TRHDE: variants seen among roughly 807,000 people sequenced by gnomAD.
The protein encoded by TRHDE is thyrotropin releasing hormone degrading enzyme, also known as thyrotropin-releasing hormone-degrading ectoenzyme.
In TRHDE, 72 loss-of-function variants were observed where a neutral mutation model predicts 125.7. That is an observed-to-expected ratio of 0.57 (90% CI 0.47 to 0.70). TRHDE has a LOEUF of 0.70. TRHDE is among the 30% of genes least tolerant of loss of function. TRHDE has a pLI of 0.00. For missense variants in TRHDE, 1,110 were observed against 1,327.1 expected (o/e 0.84, Z 2.54); for synonymous variants, 509 against 509.1 (o/e 1.00, Z 0.00).
intron 5 of TRHDE, among the ~76,000 whole-genome samples, chr12:72,488,189 C>A (rs925593204): frequency 2.0e-5 from 3 of 152,012 alleles, no homozygotes; most frequent in African/African-American, 7.2e-5. Context: ...CTGTAAATGG[C>A]TTAAATTATT....
upstream of TRHDE, chr12:72,272,212 C>T (rs1395942406): frequency 2.4e-6 from 1 of 425,262 alleles, no homozygotes; most frequent in East Asian, 7.1e-5. This position sits in a 1 kb window ranked among gnomAD's most constrained non-coding sequence, Gnocchi z 6.7. Flanking sequence ...TCTACACCCT[C>T]GCTCTTCCCA....
In TRHDE at chr12:72,353,463, C is replaced by G. The variant is rs1870677146; in HGVS notation, c.1189-24532C>G. Among the ~76,000 whole-genome samples the G allele has an allele frequency of 2.0e-5, 3 of 151,502 alleles. No homozygotes were observed. In the South Asian group the frequency reaches 6.3e-4, roughly 32 times the overall value. On this transcript the variant is annotated intron_variant, in intron 2 of 18. Coordinates refer to ENST00000261180, the MANE Select transcript of TRHDE (RefSeq NM_013381.3). ...TAAAAAATATAGTAAAAGATAATGACAGCTAACATTTTCTTGTCACAGATT... is the reference window on the plus strand; with the variant it reads ...TAAAAAATATAGTAAAAGATAATGAGAGCTAACATTTTCTTGTCACAGATT...
intron 3 of TRHDE, among the ~76,000 whole-genome samples, chr12:72,430,176 C>T (rs1308581597): frequency 6.7e-6 from 1 of 149,236 alleles, no homozygotes; most frequent in Non-Finnish European, 1.5e-5. Flanking sequence ...TGTTTTGGTG[C>T]ATGATGTGAA....
rs146993056 is a variant in TRHDE, at chr12:72,404,665, A to C, written c.1315+26544A>C. On this transcript the variant is annotated intron_variant, in intron 3 of 18. Coordinates refer to ENST00000261180, the MANE Select transcript of TRHDE (RefSeq NM_013381.3). Reference sequence around the variant, plus strand: ...ACCATCAGATCTCACGAAACTTACTATCATGACAACAGCACAAGAAAGACC... The same window carrying C: ...ACCATCAGATCTCACGAAACTTACTCTCATGACAACAGCACAAGAAAGACC... Among the ~76,000 whole-genome samples the C allele has an allele frequency of 3.3e-5, 5 of 152,234 alleles. No individual in the cohort carries two copies. The East Asian group carries it at 9.7e-4, about 30-fold the overall frequency.
At chr12:72,204,075 T>C (rs1053784569) in intron 2 of TRHDE, among the ~76,000 whole-genome samples, 4 of 152,202 alleles carry the variant, frequency 2.6e-5, no homozygotes, top group Non-Finnish European at 4.4e-5. Flanking sequence ...GAATGTTAAA[T>C]TACAGCCAGA....
chr12:72,411,720 G>T (rs1443493852), intron 3 of TRHDE, among the ~76,000 whole-genome samples: 2 of 152,094 alleles, frequency 1.3e-5, no homozygotes, highest in Non-Finnish European at 2.9e-5. Context: ...GGGAAGAATT[G>T]ACTTATCAGG....
At chr12:72,573,671 A>G (rs73353832) in intron 10 of TRHDE, among the ~76,000 whole-genome samples, 1,935 of 152,084 alleles carry the variant, frequency 0.013, 39 homozygotes, top group African/African-American at 0.045. Context: ...ACTATAAAAG[A>G]ATATAGTACT....
Position 72,472,746 on chromosome 12 carries a change from C to T in TRHDE, c.1471-321C>T, listed in dbSNP as rs146903498. On this transcript the variant is annotated intron_variant, in intron 4 of 18. Coordinates refer to ENST00000261180, the MANE Select transcript of TRHDE (RefSeq NM_013381.3). ...CAAGAAACAAGCCTTTCCTCTTCTA[C>T]GTAATAGGTCTTCAAATATTTGAAG... Among the ~76,000 whole-genome samples, 223 of 152,286 alleles carry T rather than the reference C, an allele frequency of 1.5e-3. 1 individual carries two copies. Among genetic ancestry groups the T allele is most frequent in the Non-Finnish European group, 1.6e-3 (111 of 68,018 alleles).
chr12:72,200,689 C>A (rs1479842580), intron 2 of TRHDE, among the ~76,000 whole-genome samples: 1 of 152,036 alleles, frequency 6.6e-6, no homozygotes, highest in Non-Finnish European at 1.5e-5. Context: ...CCTAGTAGAA[C>A]AATGAAGAGG....
intron 12 of TRHDE, chr12:72,582,232 A>G: frequency 1.0e-6 from 1 of 981,162 alleles, no homozygotes; most frequent in African/African-American, 1.7e-5. Flanking sequence ...AACAGCTTAT[A>G]CATTTGAGAT....
chr12:72,272,475 A>C lies in TRHDE; in HGVS notation c.-169A>C. 1 of 509,270 alleles carries C rather than the reference A, an allele frequency of 2.0e-6. No individual in the cohort carries two copies. Among genetic ancestry groups the C allele is most frequent in the Non-Finnish European group, 3.5e-6 (1 of 283,028 alleles). The allele number at this position is 509,270 out of a possible 1,614,324, so 31.5% of individuals were successfully genotyped here. ...AGGCGGGGCTGATGGGGGTCGCGGAAGCTGCCGTCGCTTGTGTCCAGAACC... is the reference window on the plus strand; with the variant it reads ...AGGCGGGGCTGATGGGGGTCGCGGACGCTGCCGTCGCTTGTGTCCAGAACC... On this transcript the variant is annotated 5_prime_UTR_variant, in exon 1 of 19. Transcript: ENST00000261180. This position sits in a 1 kb window ranked among gnomAD's most constrained non-coding sequence, Gnocchi z 6.7.
intron 2 of TRHDE, among the ~76,000 whole-genome samples, chr12:72,367,249 G>A (rs1030791853): frequency 1.3e-5 from 2 of 152,058 alleles, no homozygotes; most frequent in Non-Finnish European, 2.9e-5. Flanking sequence ...TGGCCTTCTT[G>A]TCTCAATGCA....
intron 15 of TRHDE, among the ~76,000 whole-genome samples, chr12:72,636,989 G>C (rs1408712473): frequency 6.6e-6 from 1 of 152,152 alleles, no homozygotes; most frequent in African/African-American, 2.4e-5. Flanking sequence ...TCTCTGCCAG[G>C]CTTTGGTATC....
At chr12:72,586,319 C>G (rs987864324) in intron 12 of TRHDE, among the ~76,000 whole-genome samples, 1 of 152,090 alleles carries the variant, frequency 6.6e-6, no homozygotes, top group African/African-American at 2.4e-5. Context: ...GTAACATACA[C>G]TTTGTTTATG....
chr12:72,266,781 G>A (rs1337482307), intron 2 of TRHDE, among the ~76,000 whole-genome samples: 1 of 152,010 alleles, frequency 6.6e-6, no homozygotes, highest in Non-Finnish European at 1.5e-5. Flanking sequence ...AATGACCTGC[G>A]TGGCTTTGAA....
chr12:72,606,492 A>G (rs1281928816), intron 12 of TRHDE, among the ~76,000 whole-genome samples: 1 of 152,056 alleles, frequency 6.6e-6, no homozygotes, highest in East Asian at 1.9e-4. Context: ...ATACTCTTCC[A>G]TTTCTTGTCT....
rs985371171 is a variant in TRHDE, at chr12:72,666,192, G to A, written c.*2997G>A. On this transcript the variant is annotated 3_prime_UTR_variant, in exon 19 of 19. Transcript: ENST00000261180. ...GACTCATCACAAAAACATAATAAATGTTGTGAGCCCTAATATTCTGATGAG... is the reference window on the plus strand; with the variant it reads ...GACTCATCACAAAAACATAATAAATATTGTGAGCCCTAATATTCTGATGAG... 6.6e-6 allele frequency: 1 copy of A among 152,062 alleles called. No homozygotes were observed. The highest frequency in any genetic ancestry group is 2.4e-5 in the African/African-American group (1 of 41,446). 9.4% of individuals were successfully genotyped at this position (152,062 alleles called of 1,614,324 possible). A position where few individuals can be genotyped will look rare whatever the true frequency, so the allele number is the denominator to read the frequency against.
intron 3 of TRHDE, among the ~76,000 whole-genome samples, chr12:72,386,646 T>C (rs1043240139): frequency 4.6e-5 from 7 of 152,158 alleles, no homozygotes; most frequent in Non-Finnish European, 8.8e-5. Flanking sequence ...TTGAAAGGAT[T>C]GTCCATCTGC....
intron 3 of TRHDE, among the ~76,000 whole-genome samples, chr12:72,446,658 A>G (rs918769033): frequency 6.6e-6 from 1 of 152,122 alleles, no homozygotes; most frequent in African/African-American, 2.4e-5. Flanking sequence ...AAAGAGATGG[A>G]GGAAGATCTA....
Sources: gnomAD v4.1 joint callset for allele counts (sites outside exome capture counted in the v4.1 genomes callset) on GRCh38, gnomAD v4.1.1 for gene constraint, Gnocchi (gnomAD v3.1) non-coding constraint, MANE v1.5 for transcripts, NCBI Gene and HGNC (gene_info 2026-07-23, HGNC 2026-07-21) for gene names.